The following ARFGEF3 variants were observed in gnomAD, a reference collection of about 807,000 sequenced individuals.
ARFGEF3 encodes the protein ARFGEF family member 3, also known as brefeldin A-inhibited guanine nucleotide-exchange protein 3.
A neutral mutation model predicts 221.7 loss-of-function variants in ARFGEF3; 96 were observed. That is an observed-to-expected ratio of 0.43 (90% CI 0.37 to 0.51). ARFGEF3 has a LOEUF of 0.51. Ranked by LOEUF, ARFGEF3 falls within the 20% of genes least tolerant of loss-of-function variation. The pLI is 0.00. For synonymous variants in ARFGEF3, 1,145 were observed against 1,126.8 expected, an observed-to-expected ratio of 1.02 and a Z score of -0.32; for missense variants, 2,410 against 2,789.9, an observed-to-expected ratio of 0.86 and a Z score of 3.07.
chr6:138,310,547 T>G (rs1178709836), intron 24 of ARFGEF3, among the ~76,000 whole-genome samples: 1 of 151,898 alleles, frequency 6.6e-6, no homozygotes, highest in Non-Finnish European at 1.5e-5. Flanking sequence ...ACCTAAGAAA[T>G]GTTTTTTGTT....
At chr6:138,286,078 T>C (rs200518702) in intron 15 of ARFGEF3, 25 bp downstream of exon 15, 45 of 1,273,180 alleles carry the variant, frequency 3.5e-5, no homozygotes, top group Middle Eastern at 3.7e-4. Flanking sequence ...CTTGAGTTTA[T>C]GAACATCCAT....
At position 138,334,669 on chromosome 6, in the gene ARFGEF3, C is replaced by T. The variant is rs1780287720; in HGVS notation, c.5823C>T (p.Pro1941=). 2 of 1,612,968 alleles carry T rather than the reference C, an allele frequency of 1.2e-6. No individual in the cohort carries two copies. Among genetic ancestry groups the T allele is most frequent in the Non-Finnish European group, 1.7e-6 (2 of 1,179,202 alleles). ...IFKGDPFFIL[P]SFQSESSTPS... ...AGGGCGACCCGTTCTTCATCCTGCC[C>T]TCCTTCCAGTCCGAGTCATCCACCC... Residue 1941 remains proline, a synonymous_variant, in exon 33 of 34, where the codon CCC becomes CCT. Coordinates refer to ENST00000251691, the MANE Select transcript of ARFGEF3 (RefSeq NM_020340.5). The surrounding 1 kb of genome is among the most constrained non-coding windows in gnomAD (Gnocchi z 5.1).
At position 138,255,737 on chromosome 6, in the gene ARFGEF3, C is replaced by T. The variant is rs1157316750; in HGVS notation, c.1072C>T (p.His358Tyr). The change falls in exon 10 of 34, where the codon CAC (histidine) becomes TAC (tyrosine). Residue 358 changes from histidine to tyrosine, a missense_variant. Physicochemically the swap from His to Tyr is moderately conservative, Grantham distance 83. This residue lies in a region of ARFGEF3 where 570 missense variants were observed against 586.9 expected (regional missense o/e 0.97). Coordinates refer to ENST00000251691, the MANE Select transcript of ARFGEF3 (RefSeq NM_020340.5). Reference protein sequence around the residue: ...HRVLLYPPPQHRVEAIKIMKE... With the variant: ...HRVLLYPPPQYRVEAIKIMKE... The stretch of plus-strand genomic sequence containing the variant: ...AGTGCTGCTCTACCCCCCACCCCAG[C>T]ACCGGGTGGAAGCCATCAAAATAAT... 2 of 1,592,424 alleles carry T rather than the reference C, an allele frequency of 1.3e-6. No individual in the cohort carries two copies. Among genetic ancestry groups the T allele is most frequent in the Non-Finnish European group, 1.7e-6 (2 of 1,165,436 alleles).
chr6:138,327,037 T>C (rs1400712020), intron 31 of ARFGEF3, among the ~76,000 whole-genome samples: 1 of 152,006 alleles, frequency 6.6e-6, no homozygotes, highest in Non-Finnish European at 1.5e-5. Flanking sequence ...CACTTATAAG[T>C]GGGAGCTGAT....
At chr6:138,164,374 C>T (rs1776679995) in intron 1 of ARFGEF3, among the ~76,000 whole-genome samples, 1 of 152,236 alleles carries the variant, frequency 6.6e-6, no homozygotes, top group African/African-American at 2.4e-5. Flanking sequence ...GTGTGGCACA[C>T]TTCTCTCTTT....
chr6:138,217,089 T>G (rs576598446), intron 4 of ARFGEF3: 14 of 152,268 alleles, frequency 9.2e-5, no homozygotes, highest in Non-Finnish European at 1.8e-4. Flanking sequence ...CCTGGAGATG[T>G]GATTTTCCTT....
At chr6:138,244,759 A>C (rs1422450400) in intron 7 of ARFGEF3, among the ~76,000 whole-genome samples, 1 of 152,168 alleles carries the variant, frequency 6.6e-6, no homozygotes, top group East Asian at 1.9e-4. Context: ...TCCAAAGCCC[A>C]TCTTTTCCCA....
In ARFGEF3 at chr6:138,250,013, A is replaced by T. The variant is rs1042311534; in HGVS notation, c.666-3867A>T. Among the ~76,000 whole-genome samples, 3 of 152,132 alleles carry T rather than the reference A, an allele frequency of 2.0e-5. No individual in the cohort carries two copies. The South Asian group carries it at 6.2e-4, about 31-fold the overall frequency. On this transcript the variant is annotated intron_variant, in intron 8 of 33. Coordinates refer to ENST00000251691, the MANE Select transcript of ARFGEF3 (RefSeq NM_020340.5). ...CTTGCTAAGTTTTTACTTGTGTACCATTGCTTCTGATTTTACTAACTTAAT... is the reference window on the plus strand; with the variant it reads ...CTTGCTAAGTTTTTACTTGTGTACCTTTGCTTCTGATTTTACTAACTTAAT...
intron 12 of ARFGEF3, among the ~76,000 whole-genome samples, chr6:138,272,936 T>C (rs1162682413): frequency 6.6e-6 from 1 of 152,228 alleles, no homozygotes; most frequent in Non-Finnish European, 1.5e-5. Flanking sequence ...TCAGTATTTT[T>C]CATAATTGAA....
At chr6:138,233,575 C>T (rs1039465835) in intron 5 of ARFGEF3, among the ~76,000 whole-genome samples, 2 of 152,112 alleles carry the variant, frequency 1.3e-5, no homozygotes, top group African/African-American at 4.8e-5. Context: ...GTTGGGATTT[C>T]GCCTTATTGG....
intron 4 of ARFGEF3, among the ~76,000 whole-genome samples, chr6:138,212,515 C>T (rs1421488200): frequency 6.6e-6 from 1 of 152,234 alleles, no homozygotes; most frequent in Non-Finnish European, 1.5e-5. Flanking sequence ...ATCCCATTAT[C>T]CCATTACTGG....
At chr6:138,324,357 C>T (rs919301899) in intron 31 of ARFGEF3, among the ~76,000 whole-genome samples, 1 of 152,188 alleles carries the variant, frequency 6.6e-6, no homozygotes, top group South Asian at 2.1e-4. Flanking sequence ...TCCATCATCT[C>T]ATTTGTTGCA....
At chr6:138,289,738 A>G in intron 17 of ARFGEF3, 80 bp from the exon 18 acceptor site, 4 of 1,465,826 alleles carry the variant, frequency 2.7e-6, no homozygotes, top group East Asian at 2.5e-5. Context: ...TTGCCCTTGC[A>G]TGACACACAT....
chr6:138,229,060 A>G (rs974214060), intron 4 of ARFGEF3, among the ~76,000 whole-genome samples: 1 of 152,246 alleles, frequency 6.6e-6, no homozygotes, highest in Non-Finnish European at 1.5e-5. Context: ...AAGATCTTGC[A>G]AATGTCATTG....
intron 4 of ARFGEF3, chr6:138,217,974 G>T: frequency 3.2e-6 from 5 of 1,583,122 alleles, no homozygotes; most frequent in Non-Finnish European, 4.3e-6. Context: ...AGGCTTTGCA[G>T]CAGGGCTGAG....
chr6:138,270,463 C>CACACACACACATAT (rs879929949), intron 12 of ARFGEF3, among the ~76,000 whole-genome samples: 1 of 123,892 alleles, frequency 8.1e-6, no homozygotes, highest in Non-Finnish European at 1.6e-5. Context: ...CACACACACA[C>CACACACACACATAT]ATATATATAT....
intron 17 of ARFGEF3, among the ~76,000 whole-genome samples, chr6:138,288,593 G>A (rs1265952538): frequency 6.6e-6 from 1 of 151,808 alleles, no homozygotes; most frequent in Non-Finnish European, 1.5e-5. Context: ...AGAGGCTGAG[G>A]CAGGACAATT....
At chr6:138,272,533 G>C (rs1338295116) in intron 12 of ARFGEF3, among the ~76,000 whole-genome samples, 1 of 152,146 alleles carries the variant, frequency 6.6e-6, no homozygotes, top group Non-Finnish European at 1.5e-5. Context: ...TAAAAAGAAG[G>C]ATTTAAAATT....
In ARFGEF3 at chr6:138,294,125, A is replaced by G. The variant is rs753571613; in HGVS notation, c.3501A>G (p.Pro1167=). ...CAGTTGATTACTCTCTGGCAATGCC[A>G]GGTAATTCTTTCCCTGAATAAACCA... ...TDTVDYSLAM[P]GEVKSTQDRK... The change falls in exon 20 of 34, where the codon CCA becomes CCG. Residue 1167 remains proline, a splice_region_variant and synonymous_variant. Coordinates refer to ENST00000251691, the MANE Select transcript of ARFGEF3 (RefSeq NM_020340.5). 1.2e-6 allele frequency: 2 copies of G among 1,613,572 alleles called. No individual in the cohort carries two copies. The highest frequency in any genetic ancestry group is 8.5e-7 in the Non-Finnish European group (1 of 1,179,806).
Sources: allele counts gnomAD v4.1 joint callset (sites outside exome capture counted in the v4.1 genomes callset), GRCh38; gene constraint gnomAD v4.1.1; regional missense constraint gnomAD v4.1.1; non-coding constraint Gnocchi (gnomAD v3.1); transcripts MANE v1.5; gene names NCBI Gene and HGNC (gene_info 2026-07-23, HGNC 2026-07-21).